Variants in KATNAL1 observed in about 807,000 individuals in gnomAD.
KATNAL1 encodes the protein katanin catalytic subunit A1 like 1.
Under a neutral mutation model 55.2 loss-of-function variants are expected in KATNAL1, and 32 were observed. That is an observed-to-expected ratio of 0.58 (90% CI 0.44 to 0.78). The LOEUF is 0.78. KATNAL1 is among the 30% of genes least tolerant of loss of function. The pLI is 0.00. For missense variants in KATNAL1, 466 were observed against 600.9 expected (o/e 0.78, Z 2.35); for synonymous variants, 193 against 193.6 (o/e 1.00, Z 0.02).
At chr13:30,287,391 G>A (rs1353332292) in intron 1 of KATNAL1, among the ~76,000 whole-genome samples, 1 of 152,196 alleles carries the variant, frequency 6.6e-6, no homozygotes, top group South Asian at 2.1e-4. Flanking sequence ...TTCCCCTGCT[G>A]GCATTCATTC....
chr13:30,264,460 T>G (rs1418470803), intron 3 of KATNAL1, among the ~76,000 whole-genome samples: 5 of 145,848 alleles, frequency 3.4e-5, no homozygotes, highest in Admixed American at 6.9e-5. Flanking sequence ...TGGGAGAAAA[T>G]TTTCACAACC....
At chr13:30,277,613 A>AC (rs1387349222) in intron 3 of KATNAL1, among the ~76,000 whole-genome samples, 14 of 152,170 alleles carry the variant, frequency 9.2e-5, no homozygotes, top group Admixed American at 8.5e-4. Context: ...ACCTTCCATA[A>AC]CCTTTAAGTC....
intron 1 of KATNAL1, chr13:30,296,322 G>A: frequency 8.6e-7 from 1 of 1,166,894 alleles, no homozygotes; most frequent in Non-Finnish European, 1.2e-6. Context: ...ACTGCAGTCA[G>A]CAGCCATGCC....
At chr13:30,271,878 G>GAAAAAAAAA (rs71299873) in intron 3 of KATNAL1, among the ~76,000 whole-genome samples, 4 of 76,786 alleles carry the variant, frequency 5.2e-5, no homozygotes, top group East Asian at 4.0e-4. Flanking sequence ...AAGAAAAGAG[G>GAAAAAAAAA]AAAAAAAAAA....
intron 3 of KATNAL1, among the ~76,000 whole-genome samples, chr13:30,274,107 A>C (rs1880577662): frequency 6.6e-6 from 1 of 152,216 alleles, no homozygotes. Flanking sequence ...ATTTTACAGA[A>C]AGGAAAATGA....
At chr13:30,265,155 T>C (rs1018370605) in intron 3 of KATNAL1, among the ~76,000 whole-genome samples, 19 of 147,694 alleles carry the variant, frequency 1.3e-4, no homozygotes, top group African/African-American at 4.0e-4. Flanking sequence ...TTCTCACTCA[T>C]AGGTGGGAAT....
At chr13:30,304,837 C>G (rs896988939) in intron 1 of KATNAL1, among the ~76,000 whole-genome samples, 1 of 152,208 alleles carries the variant, frequency 6.6e-6, no homozygotes, top group Non-Finnish European at 1.5e-5. Context: ...TCATCTCAAT[C>G]AACGGATTCA....
intron 3 of KATNAL1, among the ~76,000 whole-genome samples, chr13:30,259,086 T>C (rs1879028914): frequency 6.6e-6 from 1 of 152,196 alleles, no homozygotes; most frequent in African/African-American, 2.4e-5. Context: ...ACACTTGTAA[T>C]CCCAGCACTC....
At chr13:30,298,029 T>A (rs961306787) in intron 1 of KATNAL1, among the ~76,000 whole-genome samples, 3 of 152,194 alleles carry the variant, frequency 2.0e-5, no homozygotes, top group African/African-American at 7.2e-5. Flanking sequence ...AGTTAAAAAT[T>A]TTTAAAGTAT....
intron 1 of KATNAL1, among the ~76,000 whole-genome samples, chr13:30,292,810 T>C (rs887103293): frequency 6.6e-6 from 1 of 152,202 alleles, no homozygotes; most frequent in Non-Finnish European, 1.5e-5. Context: ...CCCTCATACT[T>C]CCATGAGAAT....
rs144214405 is a variant in KATNAL1, at chr13:30,243,756, A to G, written c.493-2670T>C. ...AGTAAGCTACCACGCATCGGAAATT[A>G]CTGGCCAATTAGTAATAAAAATCAC... On this transcript the variant is annotated intron_variant, in intron 4 of 10. Transcript: ENST00000380615. Among the ~76,000 whole-genome samples, 198 of 152,286 alleles carry G rather than the reference A, an allele frequency of 1.3e-3. 1 individual carries two copies. The highest frequency in any genetic ancestry group is 6.8e-3 in the Middle Eastern group (2 of 294).
chr13:30,208,593 C>T lies in KATNAL1; in HGVS notation c.1420G>A (p.Ala474Thr). The change falls in exon 11 of 11, where the codon GCT becomes ACT. Residue 474 changes from alanine to threonine, a missense_variant. Ala to Thr is a moderately conservative substitution (Grantham distance 58). Transcript: ENST00000380615. ...ALKKIAKSVS[A>T]ADLEKYEKWM... ...TTTTCATACTTCTCCAAGTCTGCAG[C>T]AGAGACAGACTTAGCAATTTTCTTT... 1 of 1,612,508 alleles carries T rather than the reference C, an allele frequency of 6.2e-7. No homozygotes were observed. The highest frequency in any genetic ancestry group is 8.5e-7 in the Non-Finnish European group (1 of 1,179,302).
intron 3 of KATNAL1, among the ~76,000 whole-genome samples, chr13:30,271,283 T>A (rs544235068): frequency 6.6e-6 from 1 of 152,146 alleles, no homozygotes; most frequent in African/African-American, 2.4e-5. Context: ...AGAGAAGCCA[T>A]GTGGTAGGGC....
At chr13:30,260,835 C>T (rs1192812030) in intron 3 of KATNAL1, among the ~76,000 whole-genome samples, 2 of 147,776 alleles carry the variant, frequency 1.4e-5, no homozygotes, top group African/African-American at 4.9e-5. Context: ...TCTAGCAAGG[C>T]AGGCCAACAT....
intron 9 of KATNAL1, among the ~76,000 whole-genome samples, chr13:30,219,519 T>C (rs1021351467): frequency 1.1e-4 from 17 of 152,254 alleles, no homozygotes; most frequent in African/African-American, 4.1e-4. Context: ...GGTAAGTATA[T>C]GTCTGGCTTC....
intron 1 of KATNAL1, among the ~76,000 whole-genome samples, chr13:30,306,551 A>T (rs1403843424): frequency 1.3e-5 from 2 of 152,336 alleles, no homozygotes; most frequent in South Asian, 4.1e-4. Context: ...CCACCATATA[A>T]TCGCAATGAC....
intron 7 of KATNAL1, among the ~76,000 whole-genome samples, chr13:30,230,920 A>G (rs559175527): frequency 6.6e-6 from 1 of 152,308 alleles, no homozygotes; most frequent in Non-Finnish European, 1.5e-5. Flanking sequence ...TACATTCTTA[A>G]GTTACTGCAA....
chr13:30,221,826 TG>T (rs1874891664), intron 9 of KATNAL1, among the ~76,000 whole-genome samples: 1 of 152,142 alleles, frequency 6.6e-6, no homozygotes, highest in Non-Finnish European at 1.5e-5. Flanking sequence ...TGGAGGCTGG[TG>T]GATCACTTGA....
In KATNAL1 at chr13:30,276,615, TTC is replaced by T. The variant is rs1233847110; in HGVS notation, c.323+3446_323+3447del. Among the ~76,000 whole-genome samples the T allele has an allele frequency of 2.0e-5, 3 of 152,190 alleles. No homozygotes were observed. The East Asian group carries it at 5.8e-4, about 29-fold the overall frequency. ...TTCAGTGTGGTACTTGCTTAGAAAG[TTC>T]TTTTTAGTTACCTTTAAAATATCAA... is the stretch of plus-strand genomic sequence containing the variant. On this transcript the variant is annotated intron_variant, in intron 3 of 10. Coordinates refer to ENST00000380615, the MANE Select transcript of KATNAL1 (RefSeq NM_032116.5).
Sources: allele counts gnomAD v4.1 joint callset (sites outside exome capture counted in the v4.1 genomes callset), GRCh38; gene constraint gnomAD v4.1.1; transcripts MANE v1.5; gene names NCBI Gene and HGNC (gene_info 2026-07-23, HGNC 2026-07-21).